Variants in LPA observed in about 807,000 individuals in gnomAD.
The protein encoded by LPA is lipoprotein(a).
A neutral mutation model predicts 197.9 loss-of-function variants in LPA; 199 were observed. The observed-to-expected ratio is 1.01, with a 90% CI of 0.90 to 1.13. The LOEUF (loss-of-function observed/expected upper bound fraction) is 1.13. Among genes scored for constraint, LPA ranks in the 50% most tolerant of loss-of-function variants. The pLI is 0.00. For missense variants in LPA, 1,853 were observed against 1,785.8 expected, an observed-to-expected ratio of 1.04 and a Z score of -0.68; for synonymous variants, 715 against 639.5, an observed-to-expected ratio of 1.12 and a Z score of -1.78.
intron 25 of LPA, 81 bp from the exon 26 acceptor site, chr6:160,585,286 T>C (rs1014534943): frequency 2.2e-6 from 3 of 1,353,752 alleles, no homozygotes; most frequent in Admixed American, 1.7e-5. Context: ...CAAAGTGGAA[T>C]AATCTGAGGA....
chr6:160,559,857 G>C (rs1356561023), intron 28 of LPA, among the ~76,000 whole-genome samples: 1 of 151,982 alleles, frequency 6.6e-6, no homozygotes, highest in Non-Finnish European at 1.5e-5. Flanking sequence ...TTGTTACATA[G>C]GTATACACGT....
intron 1 of LPA, among the ~76,000 whole-genome samples, chr6:160,656,176 G>A (rs1020619737): frequency 1.6e-4 from 24 of 152,326 alleles, no homozygotes; most frequent in African/African-American, 5.3e-4. Context: ...GTTGAACAGG[G>A]ATGTGGTGGG....
chr6:160,565,381 C>A (rs1049347945), intron 28 of LPA, among the ~76,000 whole-genome samples: 2 of 152,198 alleles, frequency 1.3e-5, no homozygotes, highest in Non-Finnish European at 2.9e-5. Flanking sequence ...TGCTGTTCTG[C>A]AGCCTCCACT....
At chr6:160,582,765 C>A (rs1394599142) in intron 26 of LPA, among the ~76,000 whole-genome samples, 1 of 152,132 alleles carries the variant, frequency 6.6e-6, no homozygotes, top group African/African-American at 2.4e-5. Flanking sequence ...TCAGCCATCA[C>A]TGCTTCAAGT....
At position 160,572,296 on chromosome 6, in the gene LPA, G is replaced by A. The variant is rs374139325; in HGVS notation, c.4631+4840C>T. Among the ~76,000 whole-genome samples the A allele has an allele frequency of 2.9e-3, 425 of 145,040 alleles. 18 individuals are homozygous for A. The South Asian group carries it at 0.074, about 25-fold the overall frequency. ...CCTATGTGTTGATCTCACGGGGAGC[G>A]GCAGACTGGAGCTGTTCCTATTCAG... On this transcript the variant is annotated intron_variant, in intron 28 of 38. Transcript: ENST00000316300.
chr6:160,653,167 C>T (rs867691455), intron 1 of LPA, among the ~76,000 whole-genome samples: 11 of 151,946 alleles, frequency 7.2e-5, no homozygotes, highest in African/African-American at 2.4e-4. Context: ...TTCAGAACAA[C>T]GAATACTTCC....
intron 1 of LPA, among the ~76,000 whole-genome samples, chr6:160,653,974 AATATATAATATATAATAT>A (rs1780058425): frequency 1.2e-4 from 2 of 16,346 alleles, no homozygotes; most frequent in Non-Finnish European, 2.3e-4. Flanking sequence ...TATTATATAT[AATATATAATATATAATAT>A]ATATTATATA....
chr6:160,569,142 C>T (rs1359938274), intron 28 of LPA, among the ~76,000 whole-genome samples: 1 of 152,122 alleles, frequency 6.6e-6, no homozygotes, highest in Non-Finnish European at 1.5e-5. Context: ...CTTTAAAGTT[C>T]ATATGGAACA....
At chr6:160,615,426 T>G (rs867804206) in intron 14 of LPA, among the ~76,000 whole-genome samples, 4 of 111,438 alleles carry the variant, frequency 3.6e-5, no homozygotes, top group African/African-American at 1.3e-4. Context: ...TGTTGGGTAA[T>G]GTTTTCCTCT....
At chr6:160,586,423 T>C (rs1485765663) in intron 25 of LPA, 26 bp downstream of exon 25, 10 of 1,612,024 alleles carry the variant, frequency 6.2e-6, no homozygotes, top group Non-Finnish European at 8.5e-6. Flanking sequence ...TCCGAGGGTA[T>C]GGTTGTCTGA....
chr6:160,571,906 A>C (rs1778568620), intron 28 of LPA, among the ~76,000 whole-genome samples: 1 of 152,052 alleles, frequency 6.6e-6, no homozygotes, highest in Non-Finnish European at 1.5e-5. Context: ...CTGGCATTCC[A>C]GGGACCACTG....
chr6:160,591,165 C>A (rs1779023074), intron 22 of LPA, 64 bp from the exon 23 acceptor site: 2 of 1,595,762 alleles, frequency 1.3e-6, no homozygotes, highest in African/African-American at 2.7e-5. Context: ...ACCAGACATC[C>A]TCTACATTTT....
intron 2 of LPA, among the ~76,000 whole-genome samples, chr6:160,649,035 A>G (rs1182422832): frequency 1.3e-5 from 2 of 152,162 alleles, no homozygotes; most frequent in African/African-American, 2.4e-5. Flanking sequence ...ACCTCTAAAG[A>G]TGGTTGAGTT....
intron 21 of LPA, 146 bp downstream of exon 21, chr6:160,595,208 C>T: frequency 2.0e-6 from 2 of 996,188 alleles, no homozygotes; most frequent in Admixed American, 1.9e-5. Flanking sequence ...AGAGAAGGCG[C>T]TGAGTGTTCC....
At chr6:160,595,312 C>T in intron 21 of LPA, 42 bp downstream of exon 21, 1 of 1,607,694 alleles carries the variant, frequency 6.2e-7, no homozygotes, top group South Asian at 1.1e-5. Flanking sequence ...TCTTTTCATC[C>T]CAACGTCCTA....
chr6:160,559,958 G>C (rs1290486569), intron 28 of LPA, among the ~76,000 whole-genome samples: 5 of 152,140 alleles, frequency 3.3e-5, no homozygotes, highest in African/African-American at 9.7e-5. Context: ...CTCCCCAACA[G>C]GCCCCTGTGT....
intron 20 of LPA, among the ~76,000 whole-genome samples, chr6:160,598,523 T>C (rs943662907): frequency 1.3e-5 from 2 of 152,212 alleles, no homozygotes; most frequent in African/African-American, 2.4e-5. Context: ...CTTGGTCCTC[T>C]AGCATCTGTT....
chr6:160,591,297 T>C (rs1779025062), intron 22 of LPA, among the ~76,000 whole-genome samples, 196 bp from the exon 23 acceptor site: 1 of 152,338 alleles, frequency 6.6e-6, no homozygotes, highest in East Asian at 1.9e-4. Context: ...ATCATTCTTA[T>C]TGTAACACAT....
rs563118918 is a variant in LPA at position 160,599,788 on chromosome 6, C to G, written c.3128-129G>C. ...CCATTCTCTATTCTTTATTAATAGGCAAATGGACATGAGAAAACACACAAA... is the reference window on the plus strand; with the variant it reads ...CCATTCTCTATTCTTTATTAATAGGGAAATGGACATGAGAAAACACACAAA... On this transcript the variant is annotated intron_variant, in intron 19 of 38. Transcript: ENST00000316300. The G allele has an allele frequency of 4.1e-6, 4 of 969,806 alleles. No individual in the cohort carries two copies. The Admixed American group carries it at 8.3e-5, about 20-fold the overall frequency. The allele number at this position is 969,806 out of a possible 1,614,324, so 60.1% of individuals were successfully genotyped here.
Sources: allele counts gnomAD v4.1 joint callset (sites outside exome capture counted in the v4.1 genomes callset), GRCh38; gene constraint gnomAD v4.1.1; transcripts MANE v1.5; gene names NCBI Gene and HGNC (gene_info 2026-07-23, HGNC 2026-07-21).